Variants in PALLD observed in about 807,000 individuals in gnomAD.
The protein encoded by PALLD is palladin, cytoskeletal associated protein.
A neutral mutation model predicts 123.5 loss-of-function variants in PALLD; 61 were observed. That is an observed-to-expected ratio of 0.49 (90% CI 0.40 to 0.61). The LOEUF is 0.61. Ranked by LOEUF, PALLD falls within the 20% of genes least tolerant of loss-of-function variation. The probability of loss-of-function intolerance (pLI) is 0.00; values close to 1 mark genes in which losing one functional copy is unlikely to be tolerated. For missense variants in PALLD, 1,273 were observed against 1,377.0 expected, an observed-to-expected ratio of 0.92 and a Z score of 1.20; for synonymous variants, 465 against 496.4, an observed-to-expected ratio of 0.94 and a Z score of 0.84.
chr4:168,629,166 G>C (rs529228882), intron 2 of PALLD, among the ~76,000 whole-genome samples: 1 of 151,942 alleles, frequency 6.6e-6, no homozygotes, highest in South Asian at 2.1e-4. Context: ...ACAGGTGCCC[G>C]TTGCCATGCC....
chr4:168,579,694 A>C (rs1275832103), intron 2 of PALLD, among the ~76,000 whole-genome samples: 8 of 152,116 alleles, frequency 5.3e-5, no homozygotes, highest in Non-Finnish European at 2.9e-5. Context: ...TATTACATAA[A>C]AATTATTTTA....
At chr4:168,903,063 C>T (rs1417468473) in intron 14 of PALLD, among the ~76,000 whole-genome samples, 2 of 152,128 alleles carry the variant, frequency 1.3e-5, no homozygotes, top group Admixed American at 1.3e-4. Flanking sequence ...GTACCTGGCC[C>T]ACATTTAATT....
In PALLD at chr4:168,737,185, G is replaced by A. The variant is rs74428131; in HGVS notation, c.1964+25262G>A. Among the ~76,000 whole-genome samples, 575 of 152,234 alleles carry A rather than the reference G, an allele frequency of 3.8e-3. 3 individuals carry two copies. Among genetic ancestry groups the A allele is most frequent in the Middle Eastern group, 0.02 (6 of 294 alleles). On this transcript the variant is annotated intron_variant, in intron 10 of 21. Transcript: ENST00000505667. ...CAAAACAAATAGGGCTAAAACACTG[G>A]GCACGTTTATCAAGTCTTCAAAAGA...
chr4:168,548,322 G>T (rs190241815), intron 2 of PALLD, among the ~76,000 whole-genome samples: 1 of 145,680 alleles, frequency 6.9e-6, no homozygotes, highest in East Asian at 2.1e-4. Flanking sequence ...AAAAGGAAAA[G>T]AGATCATTTC....
At chr4:168,524,090 T>G (rs994861562) in intron 2 of PALLD, among the ~76,000 whole-genome samples, 1 of 152,222 alleles carries the variant, frequency 6.6e-6, no homozygotes, top group African/African-American at 2.4e-5. Context: ...AAGACATCTA[T>G]TTTACAACAC....
chr4:168,871,483 AAAG>A (rs1751063935), intron 10 of PALLD, among the ~76,000 whole-genome samples: 1 of 152,198 alleles, frequency 6.6e-6, no homozygotes, highest in Admixed American at 6.5e-5. Flanking sequence ...TTGAAAAAAA[AAAG>A]GTTGAAAAAC....
At chr4:168,613,656 A>G (rs1450115819) in intron 2 of PALLD, among the ~76,000 whole-genome samples, 2 of 152,198 alleles carry the variant, frequency 1.3e-5, no homozygotes, top group Non-Finnish European at 2.9e-5. Flanking sequence ...GGTTTGTGCA[A>G]TGAGCTCAGG....
chr4:168,602,592 A>G (rs2149730690), intron 2 of PALLD, among the ~76,000 whole-genome samples: 1 of 152,320 alleles, frequency 6.6e-6, no homozygotes, highest in Non-Finnish European at 1.5e-5. Context: ...TGCTCAGCGT[A>G]TGATAAGTTT....
chr4:168,656,855 G>A (rs561654607), intron 2 of PALLD, among the ~76,000 whole-genome samples: 6 of 152,248 alleles, frequency 3.9e-5, no homozygotes, highest in South Asian at 4.1e-4. Flanking sequence ...AAAATTATAC[G>A]TAAACATAGA....
At chr4:168,823,172 T>C (rs1742965519) in intron 10 of PALLD, among the ~76,000 whole-genome samples, 1 of 152,204 alleles carries the variant, frequency 6.6e-6, no homozygotes, top group African/African-American at 2.4e-5. Context: ...TTTATTAAAA[T>C]TAAAATTTTT....
chr4:168,741,732 A>G (rs916909611), intron 10 of PALLD, among the ~76,000 whole-genome samples: 5 of 152,110 alleles, frequency 3.3e-5, no homozygotes, highest in African/African-American at 1.2e-4. Context: ...GAGAGAGAGA[A>G]AGAGGAAAAT....
At chr4:168,801,592 T>A (rs941614289) in intron 10 of PALLD, among the ~76,000 whole-genome samples, 1 of 152,212 alleles carries the variant, frequency 6.6e-6, no homozygotes, top group Non-Finnish European at 1.5e-5. Flanking sequence ...AATATTTTTT[T>A]AAAAGACGTG....
At chr4:168,615,425 A>T (rs983232636) in intron 2 of PALLD, among the ~76,000 whole-genome samples, 1 of 152,226 alleles carries the variant, frequency 6.6e-6, no homozygotes, top group Non-Finnish European at 1.5e-5. Context: ...CAATTTCACA[A>T]GGAAAATAAC....
intron 2 of PALLD, among the ~76,000 whole-genome samples, chr4:168,556,809 C>A (rs936138399): frequency 6.6e-6 from 1 of 152,150 alleles, no homozygotes; most frequent in African/African-American, 2.4e-5. Flanking sequence ...GGGGCTGCCC[C>A]GATGTCTCTT....
intron 7 of PALLD, 99 bp downstream of exon 7, chr4:168,690,843 A>T: frequency 8.1e-7 from 1 of 1,231,640 alleles, no homozygotes. Flanking sequence ...ATTGATCTCT[A>T]TGTTCAAAGA....
chr4:168,583,218 A>G (rs938909825), intron 2 of PALLD, among the ~76,000 whole-genome samples: 1 of 152,204 alleles, frequency 6.6e-6, no homozygotes, highest in African/African-American at 2.4e-5. Context: ...GATGAGAAAC[A>G]GTGAAATCTA....
intron 2 of PALLD, among the ~76,000 whole-genome samples, chr4:168,584,010 ACT>A (rs1770557136): frequency 1.3e-5 from 2 of 152,156 alleles, no homozygotes; most frequent in African/African-American, 4.8e-5. Flanking sequence ...GGAGCATGAA[ACT>A]CTGTGCGTGG....
chr4:168,829,759 C>T (rs550938880), intron 10 of PALLD, among the ~76,000 whole-genome samples: 2 of 152,138 alleles, frequency 1.3e-5, no homozygotes, highest in Non-Finnish European at 2.9e-5. Context: ...AAAGGTGAAG[C>T]TAAACAGGGA....
At chr4:168,804,444 T>G (rs1206422258) in intron 10 of PALLD, among the ~76,000 whole-genome samples, 1 of 148,936 alleles carries the variant, frequency 6.7e-6, no homozygotes, top group African/African-American at 2.4e-5. Context: ...CATAGTAGTT[T>G]AAAAAACTTT....
Sources: gnomAD v4.1 joint callset for allele counts (sites outside exome capture counted in the v4.1 genomes callset) on GRCh38, gnomAD v4.1.1 for gene constraint, MANE v1.5 for transcripts, NCBI Gene and HGNC (gene_info 2026-07-23, HGNC 2026-07-21) for gene names.